RYR3: variants seen among roughly 807,000 people sequenced by gnomAD.
RYR3 encodes ryanodine receptor 3, also known as brain ryanodine receptor-calcium release channel.
Under a neutral mutation model 584.3 loss-of-function variants are expected in RYR3, and 207 were observed. The observed-to-expected ratio is 0.35, with a 90% confidence interval of 0.32 to 0.40. The LOEUF is 0.40. Among genes scored for constraint, RYR3 ranks in the 10% least tolerant of loss-of-function variants. The pLI, the probability that RYR3 is intolerant of heterozygous loss-of-function variation, is 1.00. For synonymous variants in RYR3, 2,416 were observed against 2,248.5 expected (o/e 1.07, Z -2.11); for missense variants, 5,616 against 6,089.2 (o/e 0.92, Z 2.59).
intron 12 of RYR3, among the ~76,000 whole-genome samples, chr15:33,568,438 C>T (rs942226224): frequency 6.6e-6 from 1 of 151,964 alleles, no homozygotes; most frequent in Non-Finnish European, 1.5e-5. Context: ...CAAAATTCAT[C>T]CTTTTAAATG....
At chr15:33,588,608 T>C (rs1346773195) in intron 16 of RYR3, among the ~76,000 whole-genome samples, 1 of 152,042 alleles carries the variant, frequency 6.6e-6, no homozygotes, top group Non-Finnish European at 1.5e-5. Flanking sequence ...ATTTACCCCC[T>C]CCCACACTTC....
At chr15:33,820,512 C>T (rs563861641) in intron 77 of RYR3, among the ~76,000 whole-genome samples, 9 of 152,172 alleles carry the variant, frequency 5.9e-5, no homozygotes, top group Non-Finnish European at 1.3e-4. Flanking sequence ...GCTAGGTCAC[C>T]ATTGATGATG....
intron 2 of RYR3, among the ~76,000 whole-genome samples, chr15:33,488,450 T>C (rs2050666136): frequency 2.5e-5 from 1 of 39,754 alleles, no homozygotes; most frequent in Admixed American, 2.1e-4. Context: ...CAGTCTTGCC[T>C]TTTTTTTTTT....
At chr15:33,525,452 A>G (rs2054315871) in intron 3 of RYR3, among the ~76,000 whole-genome samples, 1 of 152,236 alleles carries the variant, frequency 6.6e-6, no homozygotes, top group South Asian at 2.1e-4. Context: ...ATCGCACTAG[A>G]ATTGTAATTA....
At chr15:33,571,594 A>C (rs911389323) in intron 12 of RYR3, among the ~76,000 whole-genome samples, 1 of 152,116 alleles carries the variant, frequency 6.6e-6, no homozygotes, top group Non-Finnish European at 1.5e-5. Flanking sequence ...AGTCTACTTC[A>C]TAGAGCCATT....
rs62013804 is a variant in RYR3 at position 33,350,517 on chromosome 15, T to G, written c.51+39421T>G. ...TTGACCACATACTTGGAAGTAAAGC[T>G]CTCCTCAGCAAATGTAAAAGAACAG... On this transcript the variant is annotated intron_variant, in intron 1 of 103. Transcript: ENST00000634891. 5.2e-5 allele frequency among the ~76,000 whole-genome samples: 7 copies of G among 133,878 alleles called. No homozygotes were observed. In the East Asian group the frequency reaches 1.5e-3, roughly 28 times the overall value. 87.8% of individuals were successfully genotyped at this position (133,878 alleles called of 152,430 possible). A position where few individuals can be genotyped will look rare whatever the true frequency, so the allele number is the denominator to read the frequency against.
At chr15:33,583,417 C>A (rs983902074) in intron 14 of RYR3, among the ~76,000 whole-genome samples, 1 of 152,202 alleles carries the variant, frequency 6.6e-6, no homozygotes, top group African/African-American at 2.4e-5. Flanking sequence ...AGTCAGTAAC[C>A]AAGCCAATAT....
At chr15:33,339,955 TAAAAG>T (rs1567055068) in intron 1 of RYR3, among the ~76,000 whole-genome samples, 2 of 151,940 alleles carry the variant, frequency 1.3e-5, no homozygotes, top group African/African-American at 2.4e-5. Flanking sequence ...TTTTGTGGCT[TAAAAG>T]AGAAGAAGAA....
intron 1 of RYR3, among the ~76,000 whole-genome samples, chr15:33,331,519 A>G (rs963848022): frequency 6.6e-6 from 1 of 152,174 alleles, no homozygotes; most frequent in Non-Finnish European, 1.5e-5. Flanking sequence ...TGGTAATGAC[A>G]GTGCCTCTAG....
intron 43 of RYR3, among the ~76,000 whole-genome samples, chr15:33,708,350 C>T (rs552300641): frequency 6.6e-4 from 100 of 152,286 alleles, no homozygotes; most frequent in Admixed American, 1.2e-3. Context: ...GTCACCTTCA[C>T]AGTCAAGATC....
intron 16 of RYR3, among the ~76,000 whole-genome samples, chr15:33,595,381 A>G (rs958921659): frequency 6.6e-6 from 1 of 152,218 alleles, no homozygotes; most frequent in Non-Finnish European, 1.5e-5. Context: ...TAACCTTTAT[A>G]ATCTTTATTA....
chr15:33,597,859 G>A (rs1000097835), intron 16 of RYR3, among the ~76,000 whole-genome samples: 1 of 151,104 alleles, frequency 6.6e-6, no homozygotes, highest in African/African-American at 2.4e-5. Flanking sequence ...AACTTATGAG[G>A]CGTGCCAATG....
intron 3 of RYR3, among the ~76,000 whole-genome samples, chr15:33,522,422 G>A (rs2054068345): frequency 1.3e-5 from 2 of 152,120 alleles, no homozygotes; most frequent in Non-Finnish European, 2.9e-5. Flanking sequence ...AGATTTCTTA[G>A]GGGGGAAAAA....
Position 33,498,621 on chromosome 15 carries a change from T to C in RYR3, c.172-5010T>C, listed in dbSNP as rs143125999. On this transcript the variant is annotated intron_variant, in intron 2 of 103. Coordinates refer to ENST00000634891, the MANE Select transcript of RYR3 (RefSeq NM_001036.6). ...GGATGAATAGTTTGCAAATATTTTC[T>C]CCCATCCTGCAGGCCGTCTCTTTAC... Among the ~76,000 whole-genome samples the C allele has an allele frequency of 4.9e-4, 74 of 152,312 alleles. 1 individual carries two copies. In the East Asian group the frequency reaches 0.014, roughly 29 times the overall value.
Position 33,701,081 on chromosome 15 carries a change from G to T in RYR3, c.6483+1G>T. The T allele has an allele frequency of 6.2e-7, 1 of 1,608,282 alleles. No individual in the cohort carries two copies. The highest frequency in any genetic ancestry group is 8.5e-7 in the Non-Finnish European group (1 of 1,176,092). ...CTTAGAGGAACCAGACCTCGAGAAG[G>T]TAACCGGCCCTTGGGGTGGCAGTGT... On this transcript the variant is annotated splice_donor_variant, in intron 42 of 103. Transcript: ENST00000634891. LOFTEE classifies it high-confidence loss of function.
intron 98 of RYR3, chr15:33,856,898 C>G (rs1282878818): frequency 1.3e-5 from 2 of 152,348 alleles, no homozygotes; most frequent in Non-Finnish European, 1.5e-5. Flanking sequence ...ACCTCGTGAT[C>G]CGCCCGCCTC....
chr15:33,512,682 G>A (rs1219576907), intron 3 of RYR3, among the ~76,000 whole-genome samples: 1 of 152,218 alleles, frequency 6.6e-6, no homozygotes, highest in Non-Finnish European at 1.5e-5. Flanking sequence ...ACATTGGAAT[G>A]CTCTGTTGAA....
At position 33,731,502 on chromosome 15, in the gene RYR3, T is replaced by C; in HGVS notation, c.7232T>C (p.Leu2411Pro). The C allele has an allele frequency of 1.2e-6, 2 of 1,613,312 alleles. No homozygotes were observed. Among genetic ancestry groups the C allele is most frequent in the Non-Finnish European group, 1.7e-6 (2 of 1,179,614 alleles). Residue 2411 changes from leucine (L) to proline (P), a missense_variant, in exon 48 of 104, where the codon CTT (leucine) becomes CCT (proline). Physicochemically the swap from Leu to Pro is moderately conservative, Grantham distance 98. Coordinates refer to ENST00000634891, the MANE Select transcript of RYR3 (RefSeq NM_001036.6). ...TVSLSTTEAALALNRYICSAV... is the reference protein window; with the variant it reads ...TVSLSTTEAAPALNRYICSAV... ...TCCCTAAGCACCACAGAGGCTGCGCTTGCACTAAATAGGTATATATGTTCT... is the reference window on the plus strand; with the variant it reads ...TCCCTAAGCACCACAGAGGCTGCGCCTGCACTAAATAGGTATATATGTTCT...
chr15:33,381,149 A>T (rs1358401262), intron 1 of RYR3, among the ~76,000 whole-genome samples: 1 of 152,212 alleles, frequency 6.6e-6, no homozygotes, highest in African/African-American at 2.4e-5. Flanking sequence ...GAAGGAGTCC[A>T]GGTTCCTCAG....
Sources: gnomAD v4.1 joint callset for allele counts (sites outside exome capture counted in the v4.1 genomes callset) on GRCh38, gnomAD v4.1.1 for gene constraint, MANE v1.5 for transcripts, NCBI Gene and HGNC (gene_info 2026-07-23, HGNC 2026-07-21) for gene names.